POLR2F: variants seen among roughly 807,000 people sequenced by gnomAD.
POLR2F encodes the protein RNA polymerase II, I and III subunit F, also known as DNA-directed RNA polymerases I, II, and III subunit RPABC2.
A neutral mutation model predicts 22.7 loss-of-function variants in POLR2F; 12 were observed. The ratio of observed to expected loss-of-function variants is 0.53; its 90% confidence interval spans 0.34 to 0.86. The LOEUF is 0.86. Among genes scored for constraint, POLR2F ranks in the 40% least tolerant of loss-of-function variants. The probability of loss-of-function intolerance (pLI) is 0.02; values close to 1 mark genes in which losing one functional copy is unlikely to be tolerated. For missense variants in POLR2F, 126 were observed against 171.5 expected (o/e 0.73, Z 1.48); for synonymous variants, 57 against 66.0 (o/e 0.86, Z 0.66).
chr22:38,014,354 A>AT lies in POLR2F; in HGVS notation c.121-11502dup, dbSNP rs918855178. On this transcript the variant is annotated intron_variant, in intron 1 of 2. Coordinates refer to the POLR2F transcript ENST00000333418. ...GCTCTGGCTAGGACTTATTTTTTTT[A>AT]TTTTTTTTTTTTTGAGACAGAGTCT... Among the ~76,000 whole-genome samples the AT allele has an allele frequency of 2.0e-3, 274 of 135,196 alleles. 1 individual carries two copies. The highest frequency in any genetic ancestry group is 3.9e-3 in the Middle Eastern group (1 of 258). The allele number at this position is 135,196 out of a possible 152,430, so 88.7% of individuals were successfully genotyped here. A position where few individuals can be genotyped will look rare whatever the true frequency, so the allele number is the denominator to read the frequency against.
chr22:37,993,262 C>T (rs1024783666), intron 1 of POLR2F, among the ~76,000 whole-genome samples: 1 of 152,148 alleles, frequency 6.6e-6, no homozygotes, highest in African/African-American at 2.4e-5. Flanking sequence ...CAAGGTTGCC[C>T]AGCTTAGGAA....
chr22:37,974,192 C>G, downstream of POLR2F: 1 of 1,602,484 alleles, frequency 6.2e-7, no homozygotes, highest in Non-Finnish European at 8.5e-7. This position sits in a 1 kb window ranked among gnomAD's most constrained non-coding sequence, Gnocchi z 5.4. Flanking sequence ...TGGGCCATGG[C>G]TCTGGCCTGG....
upstream of POLR2F, chr22:37,983,806 C>CGCCTCG (rs1932484859): frequency 1.1e-5 from 15 of 1,416,600 alleles, no homozygotes; most frequent in Non-Finnish European, 1.3e-5. This position sits in a 1 kb window ranked among gnomAD's most constrained non-coding sequence, Gnocchi z 9.5. Context: ...CCGCCGCCGC[C>CGCCTCG]GCCGCCTCGG....
chr22:37,973,160 C>T (rs1932109202), downstream of POLR2F: 1 of 296,586 alleles, frequency 3.4e-6, no homozygotes, highest in Non-Finnish European at 6.3e-6. Flanking sequence ...CCTGGTGCTT[C>T]CCCTCCCCGA....
chr22:38,018,530 A>G (rs1241938966), intron 1 of POLR2F, among the ~76,000 whole-genome samples: 5 of 152,144 alleles, frequency 3.3e-5, no homozygotes, highest in Admixed American at 1.3e-4. Context: ...GCCTCAGGCT[A>G]TCACCGAATT....
upstream of POLR2F, chr22:37,983,904 G>T (rs1932490428): frequency 8.1e-6 from 7 of 860,496 alleles, no homozygotes; most frequent in Non-Finnish European, 9.3e-6. The surrounding 1 kb of genome is among the most constrained non-coding windows in gnomAD (Gnocchi z 9.5). Context: ...GCGGCCGCGC[G>T]CGCAGCCCCG....
chr22:38,023,001 G>T (rs1049946651), intron 1 of POLR2F, among the ~76,000 whole-genome samples: 1 of 152,220 alleles, frequency 6.6e-6, no homozygotes, highest in African/African-American at 2.4e-5. Flanking sequence ...ACAAGAACAA[G>T]ACTCTGTCTC....
chr22:37,988,051 T>G (rs749329066), intron 1 of POLR2F: 2 of 151,292 alleles, frequency 1.3e-5, no homozygotes, highest in Non-Finnish European at 2.9e-5. Context: ...TGGTTGGGTG[T>G]GGTGGCTCAC....
At chr22:37,961,816 G>GGGGAAGCATGA (rs139871) in intron 3 of POLR2F, among the ~76,000 whole-genome samples, 98,331 of 151,314 alleles carry the variant, frequency 0.65, 32,118 homozygotes, top group East Asian at 0.74. Context: ...ATGGTACTGT[G>GGGGAAGCATGA]GGGAAGCATG....
intron 1 of POLR2F, among the ~76,000 whole-genome samples, chr22:38,014,188 C>G (rs1348211907): frequency 1.3e-5 from 2 of 151,250 alleles, no homozygotes; most frequent in African/African-American, 4.9e-5. Flanking sequence ...ATCTTGCAAC[C>G]TTGCTAAACT....
Position 37,968,435 on chromosome 22 carries a change from A to C in POLR2F, c.*720A>C. ...ATGCCTTCTTCCTAGCCTCTATAAG[A>C]TATCCTTTCCCTCCTATTTGGGGCT... On this transcript the variant is annotated 3_prime_UTR_variant, in exon 5 of 5. Transcript: ENST00000442738. 1.0e-6 allele frequency: 1 copy of C among 985,806 alleles called. No individual in the cohort carries two copies. The highest frequency in any genetic ancestry group is 1.2e-6 in the Non-Finnish European group (1 of 830,200). 61.1% of individuals were successfully genotyped at this position (985,806 alleles called of 1,614,324 possible).
At chr22:38,003,014 C>T (rs1269359660) in intron 1 of POLR2F, among the ~76,000 whole-genome samples, 3 of 151,940 alleles carry the variant, frequency 2.0e-5, no homozygotes, top group Non-Finnish European at 4.4e-5. Context: ...CGTGACCCAC[C>T]GCGCCCGGCC....
At chr22:38,009,238 A>G (rs535734425) in intron 1 of POLR2F, among the ~76,000 whole-genome samples, 1 of 152,204 alleles carries the variant, frequency 6.6e-6, no homozygotes, top group African/African-American at 2.4e-5. Context: ...CTCCAAGGGC[A>G]GTGGGGCTGC....
intron 1 of POLR2F, among the ~76,000 whole-genome samples, chr22:38,019,748 T>C (rs1223982526): frequency 1.3e-4 from 20 of 152,196 alleles, no homozygotes; most frequent in Admixed American, 1.2e-3. Flanking sequence ...CATGGTGGCT[T>C]ACGCCTGTAC....
At chr22:37,981,678 C>T (rs2145774411), upstream of POLR2F, among the ~76,000 whole-genome samples, 1 of 152,298 alleles carries the variant, frequency 6.6e-6, no homozygotes, top group East Asian at 1.9e-4. Flanking sequence ...GTATGTCTCT[C>T]CTGGTTGTCT....
At chr22:37,999,596 C>T (rs1221205623) in intron 1 of POLR2F, among the ~76,000 whole-genome samples, 1 of 152,116 alleles carries the variant, frequency 6.6e-6, no homozygotes, top group East Asian at 1.9e-4. Context: ...CTTCCCCTCC[C>T]CAGGGCCTCA....
intron 1 of POLR2F, among the ~76,000 whole-genome samples, 196 bp from the exon 2 acceptor site, chr22:37,956,577 C>T (rs566336876): frequency 1.2e-4 from 18 of 152,122 alleles, no homozygotes; most frequent in East Asian, 9.7e-4. Flanking sequence ...CCACCATGCC[C>T]GGCTAATTTT....
At chr22:38,005,258 G>A (rs2084810901) in intron 1 of POLR2F, among the ~76,000 whole-genome samples, 1 of 152,214 alleles carries the variant, frequency 6.6e-6, no homozygotes, top group Non-Finnish European at 1.5e-5. Context: ...GAGTAGCTGG[G>A]ACTACAGGTG....
intron 5 of POLR2F, among the ~76,000 whole-genome samples, chr22:38,036,387 G>A (rs1362182041): frequency 6.6e-6 from 1 of 151,754 alleles, no homozygotes; most frequent in Non-Finnish European, 1.5e-5. Flanking sequence ...CCGAAGGAGA[G>A]GCTTCCTTCT....
Sources: allele counts gnomAD v4.1 joint callset (sites outside exome capture counted in the v4.1 genomes callset), GRCh38; gene constraint gnomAD v4.1.1; non-coding constraint Gnocchi (gnomAD v3.1); transcripts MANE v1.5; gene names NCBI Gene and HGNC (gene_info 2026-07-23, HGNC 2026-07-21).